The following CPSF4L variants were observed in gnomAD, a reference collection of about 807,000 sequenced individuals.
The protein encoded by CPSF4L is cleavage and polyadenylation specific factor 4 like, also known as putative cleavage and polyadenylation specificity factor subunit 4-like protein.
CPSF4L carries 18 observed loss-of-function variants against 24.0 expected under a neutral mutation model. That is an observed-to-expected ratio of 0.75 (90% CI 0.52 to 1.11). The LOEUF (loss-of-function observed/expected upper bound fraction) is 1.11. Among genes scored for constraint, CPSF4L ranks in the 50% least tolerant of loss-of-function variants. The pLI is 0.00. For synonymous variants in CPSF4L, 72 were observed against 77.2 expected, an observed-to-expected ratio of 0.93 and a Z score of 0.35; for missense variants, 211 against 221.8, an observed-to-expected ratio of 0.95 and a Z score of 0.31.
chr17:73,263,498 A>T (rs1419039061), upstream of CPSF4L, among the ~76,000 whole-genome samples: 2 of 152,064 alleles, frequency 1.3e-5, no homozygotes, highest in African/African-American at 4.8e-5. Context: ...GATGATGGGG[A>T]GAGAATGTTC....
Position 73,253,913 on chromosome 17 carries a change from T to C in CPSF4L, c.403+18A>G. 6.5e-7 allele frequency: 1 copy of C among 1,536,050 alleles called. No homozygotes were observed. Among genetic ancestry groups the C allele is most frequent in the Non-Finnish European group, 8.8e-7 (1 of 1,133,220 alleles). On this transcript the variant is annotated intron_variant, in intron 4 of 5. Transcript: ENST00000344935. ...GATCCCCACAGCCCCTAGGGCTCCC[T>C]GGCTTCCAAGGCCTCACCGTCCTTG... is the stretch of plus-strand genomic sequence containing the variant.
chr17:73,250,255 A>G (rs751313896), intron 5 of CPSF4L: 73 of 1,550,538 alleles, frequency 4.7e-5, no homozygotes, highest in East Asian at 3.2e-4. Context: ...AATAACTCCT[A>G]TCAGTTGAGT....
intron 5 of CPSF4L, chr17:73,250,834 T>A: frequency 1.6e-6 from 1 of 610,576 alleles, no homozygotes; most frequent in Non-Finnish European, 2.6e-6. Context: ...CAGGATGGTT[T>A]ACAGTATCCT....
intron 1 of CPSF4L, among the ~76,000 whole-genome samples, chr17:73,261,367 G>A (rs190603203): frequency 8.5e-5 from 13 of 152,314 alleles, no homozygotes; most frequent in African/African-American, 3.1e-4. Flanking sequence ...TGTAGAGAAG[G>A]AAGGGGGAGG....
chr17:73,256,077 CT>C (rs1429170739), intron 3 of CPSF4L, among the ~76,000 whole-genome samples: 1 of 152,128 alleles, frequency 6.6e-6, no homozygotes, highest in East Asian at 1.9e-4. Flanking sequence ...TAATCATGGG[CT>C]TACAAGTCTG....
At chr17:73,248,162 A>G (rs150044245), downstream of CPSF4L, 134 of 281,832 alleles carry the variant, frequency 4.8e-4, 1 homozygote, top group African/African-American at 2.7e-3. Context: ...TGTATGCAAA[A>G]TTCCTATCAG....
intron 3 of CPSF4L, among the ~76,000 whole-genome samples, chr17:73,254,641 C>CATTATT (rs893644069): frequency 6.6e-6 from 1 of 151,976 alleles, no homozygotes; most frequent in Non-Finnish European, 1.5e-5. Flanking sequence ...ACCCAAGTGT[C>CATTATT]ATTATTATTA....
At chr17:73,261,882 C>A (rs1019897484), upstream of CPSF4L, 11 of 1,247,660 alleles carry the variant, frequency 8.8e-6, 1 homozygote, top group Admixed American at 6.0e-5. Context: ...CAATATAGCT[C>A]ATCAGAGGCC....
At chr17:73,254,642 A>G (rs946547682) in intron 3 of CPSF4L, among the ~76,000 whole-genome samples, 2 of 151,818 alleles carry the variant, frequency 1.3e-5, no homozygotes, top group African/African-American at 4.8e-5. Context: ...CCCAAGTGTC[A>G]TTATTATTAT....
At chr17:73,246,205 A>G (rs770789793), downstream of CPSF4L, among the ~76,000 whole-genome samples, 1 of 152,176 alleles carries the variant, frequency 6.6e-6, no homozygotes, top group Non-Finnish European at 1.5e-5. Flanking sequence ...GCCAAAATAC[A>G]TGAGGTCAGT....
chr17:73,262,135 C>G (rs2062049730), upstream of CPSF4L: 1 of 298,268 alleles, frequency 3.4e-6, no homozygotes, highest in Middle Eastern at 9.8e-4. Context: ...TTACCGAACA[C>G]AAACGTGGCG....
At chr17:73,249,294 GC>G (rs1568330260) in intron 5 of CPSF4L, among the ~76,000 whole-genome samples, 1 of 152,180 alleles carries the variant, frequency 6.6e-6, no homozygotes, top group African/African-American at 2.4e-5. Flanking sequence ...CTTGCTTTGT[GC>G]CGAGTGCCAT....
intron 3 of CPSF4L, among the ~76,000 whole-genome samples, chr17:73,256,378 G>C (rs2145279944): frequency 6.6e-6 from 1 of 152,324 alleles, no homozygotes; most frequent in Non-Finnish European, 1.5e-5. Flanking sequence ...GGCTCTGACT[G>C]GCCTAGGCAA....
At chr17:73,245,714 A>G, downstream of CPSF4L, 3 of 985,464 alleles carry the variant, frequency 3.0e-6, no homozygotes, top group South Asian at 1.4e-4. Context: ...AAGGATGGGC[A>G]TTCGAGTTGC....
At chr17:73,245,101 C>T, downstream of CPSF4L, 1 of 1,482,114 alleles carries the variant, frequency 6.7e-7, no homozygotes, top group Non-Finnish European at 9.4e-7. Flanking sequence ...TCTGTAGAGG[C>T]AAAAGATAGT....
At chr17:73,247,582 T>C, downstream of CPSF4L, 1 of 443,624 alleles carries the variant, frequency 2.3e-6, no homozygotes, top group Admixed American at 3.8e-5. Flanking sequence ...AAATATTTTA[T>C]ATCCCTGAAA....
At chr17:73,253,158 G>C (rs901904042) in intron 4 of CPSF4L, among the ~76,000 whole-genome samples, 1 of 152,142 alleles carries the variant, frequency 6.6e-6, no homozygotes, top group African/African-American at 2.4e-5. Flanking sequence ...CCAGGAGTTC[G>C]AGACCAGCCT....
chr17:73,258,085 C>T (rs559972130), intron 2 of CPSF4L, among the ~76,000 whole-genome samples: 7 of 151,856 alleles, frequency 4.6e-5, no homozygotes, highest in Non-Finnish European at 1.0e-4. Flanking sequence ...TCTTGGCTCA[C>T]TGCAAGCTCC....
chr17:73,256,922 G>C (rs944130811), intron 3 of CPSF4L, among the ~76,000 whole-genome samples: 1 of 152,192 alleles, frequency 6.6e-6, no homozygotes, highest in African/African-American at 2.4e-5. Flanking sequence ...AGCTACTCAG[G>C]AGGCTGAGGC....
Sources: gnomAD v4.1 joint callset for allele counts (sites outside exome capture counted in the v4.1 genomes callset) on GRCh38, gnomAD v4.1.1 for gene constraint, MANE v1.5 for transcripts, NCBI Gene and HGNC (gene_info 2026-07-23, HGNC 2026-07-21) for gene names.